The following AGO1 variants were observed in gnomAD, a reference collection of about 807,000 sequenced individuals.
The protein encoded by AGO1 is protein argonaute-1.
In AGO1, 11 loss-of-function variants were observed where a neutral mutation model predicts 109.2. The observed-to-expected ratio is 0.10, with a 90% CI of 0.06 to 0.17. The LOEUF (loss-of-function observed/expected upper bound fraction) is 0.17, where lower values mean the gene tolerates loss of function less well. Among genes scored for constraint, AGO1 ranks in the 10% least tolerant of loss-of-function variants. The pLI is 1.00. For missense variants in AGO1, 574 were observed against 1,140.3 expected (o/e 0.50, Z 7.15); for synonymous variants, 422 against 418.6 (o/e 1.01, Z -0.10).
upstream of AGO1, among the ~76,000 whole-genome samples, chr1:35,878,879 CT>C (rs1289438880): frequency 6.6e-6 from 1 of 150,438 alleles, no homozygotes; most frequent in Non-Finnish European, 1.5e-5. Context: ...ACATTGATTT[CT>C]TTTTTTCCTC....
intron 14 of AGO1, among the ~76,000 whole-genome samples, 196 bp downstream of exon 14, chr1:35,914,470 A>T (rs1287641479): frequency 3.3e-5 from 5 of 152,146 alleles, no homozygotes; most frequent in Non-Finnish European, 7.4e-5. Flanking sequence ...AGGGAGAGTA[A>T]TGAGAGTGTA....
intron 12 of AGO1, among the ~76,000 whole-genome samples, chr1:35,909,470 T>G (rs1162887599): frequency 6.6e-6 from 1 of 152,238 alleles, no homozygotes; most frequent in Non-Finnish European, 1.5e-5. Context: ...TGTCTGTGGT[T>G]TTCAGTCTCT....
chr1:35,888,632 C>T lies in AGO1; in HGVS notation c.209+22C>T, dbSNP rs750556100. 1 of 1,611,858 alleles carries T rather than the reference C, an allele frequency of 6.2e-7. No homozygotes were observed. The highest frequency in any genetic ancestry group is 1.7e-5 in the Admixed American group (1 of 59,914). The stretch of plus-strand genomic sequence containing the variant: ...ACCGGTAAGTGATGCACACCTAAGC[C>T]ACCAAATCTGAAAGACACCAACCTT... On this transcript the variant is annotated intron_variant, in intron 2 of 18. Transcript: ENST00000373204. The surrounding 1 kb of genome is among the most constrained non-coding windows in gnomAD (Gnocchi z 4.1).
At chr1:35,894,471 C>T (rs1052209983) in intron 7 of AGO1, 69 bp downstream of exon 7, 1 of 1,415,888 alleles carries the variant, frequency 7.1e-7, no homozygotes, top group East Asian at 2.5e-5. Context: ...ACTATCTTTC[C>T]CTCCCTCCCT....
At chr1:35,878,492 C>T (rs1390801171), upstream of AGO1, among the ~76,000 whole-genome samples, 1 of 152,112 alleles carries the variant, frequency 6.6e-6, no homozygotes, top group Non-Finnish European at 1.5e-5. Context: ...TTCTTCTTAG[C>T]GGTATGGACT....
chr1:35,883,143 T>A, upstream of AGO1: 1 of 1,118,250 alleles, frequency 8.9e-7, no homozygotes, highest in East Asian at 5.1e-5. This position sits in a 1 kb window ranked among gnomAD's most constrained non-coding sequence, Gnocchi z 5.4. Flanking sequence ...TGGCCTTTGT[T>A]GCCGTCGGAG....
rs1323048375 is a variant in AGO1, at chr1:35,925,910, C to G, written c.*6303C>G. 1 of 152,260 alleles carries G rather than the reference C, an allele frequency of 6.6e-6. No homozygotes were observed. The highest frequency in any genetic ancestry group is 2.4e-5 in the African/African-American group (1 of 41,524). The allele number at this position is 152,260 out of a possible 1,614,324, so 9.4% of individuals were successfully genotyped here. ...CCCAGTGAGAAATCGTCAGTGGCAG[C>G]CAGTGTGTACATACGTGGACCTAGC... On this transcript the variant is annotated 3_prime_UTR_variant, in exon 19 of 19. Transcript: ENST00000373204.
chr1:35,888,610 G>A lies in AGO1; in HGVS notation c.209G>A (p.Arg70Gln). 1 of 1,614,034 alleles carries A rather than the reference G, an allele frequency of 6.2e-7. No individual in the cohort carries two copies. Among genetic ancestry groups the A allele is most frequent in the Non-Finnish European group, 8.5e-7 (1 of 1,179,962 alleles). Residue 70 changes from arginine (R) to glutamine (Q), a missense_variant and splice_region_variant, in exon 2 of 19, where the codon CGG becomes CAG. Transcript: ENST00000373204. This position sits in a 1 kb window ranked among gnomAD's most constrained non-coding sequence, Gnocchi z 4.1. ...KPDKCPRRVN[R>Q]EVVEYMVQHF... The stretch of plus-strand genomic sequence containing the variant: ...GATAAGTGTCCCCGTAGAGTCAACC[G>A]GTAAGTGATGCACACCTAAGCCACC...
rs183145283 is a variant in AGO1 at position 35,916,383 on chromosome 1, T to G, written c.2028+841T>G. Reference sequence around the variant, plus strand: ...GCCCAGTTTCTTTTTTTCTTTTTTTTGGGGGGAACAGAGTCTCGCTCTTGC... The same window carrying G: ...GCCCAGTTTCTTTTTTTCTTTTTTTGGGGGGGAACAGAGTCTCGCTCTTGC... On this transcript the variant is annotated intron_variant, in intron 15 of 18. Coordinates refer to ENST00000373204, the MANE Select transcript of AGO1 (RefSeq NM_012199.5). Among the ~76,000 whole-genome samples the G allele has an allele frequency of 2.6e-3, 392 of 152,248 alleles. 3 individuals are homozygous for G. The highest frequency in any genetic ancestry group is 7.9e-3 in the African/African-American group (328 of 41,556).
At chr1:35,880,049 TGA>T (rs1168470727), upstream of AGO1, among the ~76,000 whole-genome samples, 1 of 152,140 alleles carries the variant, frequency 6.6e-6, no homozygotes, top group Non-Finnish European at 1.5e-5. Context: ...GAGAGTTTTT[TGA>T]GAGTTTTTCT....
At chr1:35,879,847 A>G (rs1374149574), upstream of AGO1, among the ~76,000 whole-genome samples, 1 of 151,488 alleles carries the variant, frequency 6.6e-6, no homozygotes, top group African/African-American at 2.4e-5. Flanking sequence ...CACTGTACAG[A>G]AGGACTTTGA....
intron 1 of AGO1, among the ~76,000 whole-genome samples, chr1:35,877,212 C>A (rs532810127): frequency 1.3e-4 from 20 of 152,124 alleles, no homozygotes; most frequent in Non-Finnish European, 2.8e-4. Flanking sequence ...GCTGCCTTTC[C>A]CCTGGCTTGG....
chr1:35,913,071 G>A (rs1029724474), intron 12 of AGO1, among the ~76,000 whole-genome samples: 1 of 150,796 alleles, frequency 6.6e-6, no homozygotes, highest in Non-Finnish European at 1.5e-5. Flanking sequence ...CCAGGCTGGA[G>A]TGCAGTGGCA....
chr1:35,879,338 C>A (rs1040869726), upstream of AGO1, among the ~76,000 whole-genome samples: 1 of 151,916 alleles, frequency 6.6e-6, no homozygotes, highest in African/African-American at 2.4e-5. Context: ...ATCCCAGCTA[C>A]TTGGGAGGCT....
At chr1:35,914,615 G>A (rs528716125) in intron 14 of AGO1, among the ~76,000 whole-genome samples, 1 of 152,142 alleles carries the variant, frequency 6.6e-6, no homozygotes, top group Non-Finnish European at 1.5e-5. Flanking sequence ...ACTTAGTTGC[G>A]AGGACTATCC....
At chr1:35,906,820 A>T in intron 11 of AGO1, 115 bp from the exon 12 acceptor site, 1 of 936,820 alleles carries the variant, frequency 1.1e-6, no homozygotes, top group Non-Finnish European at 1.6e-6. Flanking sequence ...AAAAAAAAAA[A>T]AAAAACCAAT....
At position 35,883,469 on chromosome 1, in the gene AGO1, A is replaced by G. The variant is rs763276039; in HGVS notation, c.25+23A>G. ...CAGGTAAGGGTCCCCAGGAGGGGGA[A>G]CGGTGCATGCTCCAAGGACTGGGGG... On this transcript the variant is annotated intron_variant, in intron 1 of 18. Transcript: ENST00000373204. The surrounding 1 kb of genome is among the most constrained non-coding windows in gnomAD (Gnocchi z 5.4). The G allele has an allele frequency of 1.7e-5, 27 of 1,552,680 alleles. No individual in the cohort carries two copies. Among genetic ancestry groups the G allele is most frequent in the South Asian group, 2.4e-5 (2 of 83,892 alleles).
chr1:35,902,198 C>T lies in AGO1; in HGVS notation c.1264-6C>T, dbSNP rs1275752189. 2.5e-6 allele frequency: 4 copies of T among 1,612,654 alleles called. No homozygotes were observed. The South Asian group carries it at 4.4e-5, about 18-fold the overall frequency. ...TCACCTAGGCGCCCCCTCTACCTAT[C>T]CCCAGAACCGGGCCATTGCCACACC... On this transcript the variant is annotated splice_polypyrimidine_tract_variant and splice_region_variant and intron_variant, in intron 10 of 18. Coordinates refer to ENST00000373204, the MANE Select transcript of AGO1 (RefSeq NM_012199.5).
intron 16 of AGO1, 128 bp from the exon 17 acceptor site, chr1:35,918,194 G>T: frequency 1.3e-6 from 1 of 753,522 alleles, no homozygotes. Flanking sequence ...TTAAGATTCA[G>T]TACCCTCAGG....
Sources: gnomAD v4.1 joint callset for allele counts (sites outside exome capture counted in the v4.1 genomes callset) on GRCh38, gnomAD v4.1.1 for gene constraint, Gnocchi (gnomAD v3.1) non-coding constraint, MANE v1.5 for transcripts, NCBI Gene and HGNC (gene_info 2026-07-23, HGNC 2026-07-21) for gene names.